RAD18: variants seen among roughly 807,000 people sequenced by gnomAD.
RAD18 encodes E3 ubiquitin-protein ligase RAD18.
In RAD18, 47 loss-of-function variants were observed where a neutral mutation model predicts 60.4. The ratio of observed to expected loss-of-function variants is 0.78; its 90% CI spans 0.62 to 0.99. The LOEUF (loss-of-function observed/expected upper bound fraction) is 0.99. Among genes scored for constraint, RAD18 ranks in the 50% least tolerant of loss-of-function variants. The pLI is 0.00. For synonymous variants in RAD18, 225 were observed against 195.5 expected, an observed-to-expected ratio of 1.15 and a Z score of -1.26; for missense variants, 640 against 593.3, an observed-to-expected ratio of 1.08 and a Z score of -0.82.
chr3:8,888,796 T>C (rs574458293), intron 12 of RAD18, among the ~76,000 whole-genome samples: 4 of 152,256 alleles, frequency 2.6e-5, no homozygotes, highest in Non-Finnish European at 5.9e-5. Context: ...TGAGCTCTTG[T>C]ATCTTTCTCG....
At chr3:8,958,559 A>G (rs1477647558) in intron 2 of RAD18, among the ~76,000 whole-genome samples, 2 of 152,230 alleles carry the variant, frequency 1.3e-5, no homozygotes, top group Non-Finnish European at 2.9e-5. Flanking sequence ...TTGAAATTCT[A>G]TATCAAGTAC....
chr3:8,946,768 A>G (rs1940846225), intron 4 of RAD18, among the ~76,000 whole-genome samples: 1 of 152,262 alleles, frequency 6.6e-6, no homozygotes, highest in African/African-American at 2.4e-5. Flanking sequence ...TACATGAGTT[A>G]GTACATACAT....
intron 2 of RAD18, among the ~76,000 whole-genome samples, chr3:8,949,577 A>T (rs1940896038): frequency 6.6e-6 from 1 of 152,234 alleles, no homozygotes; most frequent in Admixed American, 6.5e-5. Context: ...CCTAACAAGT[A>T]AAAAGCTGAA....
chr3:8,958,697 A>T (rs1175376126), intron 2 of RAD18, among the ~76,000 whole-genome samples: 3 of 152,272 alleles, frequency 2.0e-5, no homozygotes, highest in African/African-American at 7.2e-5. Flanking sequence ...AAATGCTATA[A>T]GAATCATAAA....
At chr3:8,891,190 A>G (rs17049703) in intron 11 of RAD18, among the ~76,000 whole-genome samples, 8,581 of 151,870 alleles carry the variant, frequency 0.057, 776 homozygotes, top group African/African-American at 0.19. Flanking sequence ...TACTGCTCCT[A>G]CTGAAAACCC....
intron 12 of RAD18, among the ~76,000 whole-genome samples, chr3:8,888,233 T>C (rs45492099): frequency 1.9e-3 from 283 of 152,320 alleles, no homozygotes; most frequent in Admixed American, 5.1e-3. Context: ...GTGAGTATAA[T>C]GAAACAAGTT....
At chr3:8,940,850 G>T (rs1011085008) in intron 5 of RAD18, among the ~76,000 whole-genome samples, 3 of 152,194 alleles carry the variant, frequency 2.0e-5, no homozygotes, top group African/African-American at 7.2e-5. Flanking sequence ...CGGATCCTAT[G>T]GCCTCTGTCA....
At chr3:8,922,302 G>C (rs879435082) in intron 7 of RAD18, among the ~76,000 whole-genome samples, 1 of 152,238 alleles carries the variant, frequency 6.6e-6, no homozygotes, top group Non-Finnish European at 1.5e-5. Flanking sequence ...CCCGTGCCTG[G>C]CTCGGAGGGT....
rs189039442 is a variant in RAD18 at position 8,955,686 on chromosome 3, T to A, written c.133+3234A>T. ...CAACTCTGGAGAACCTGCAATACCA[T>A]GGACAGACACATGAGAGAGAAAAAC... On this transcript the variant is annotated intron_variant, in intron 2 of 12. Transcript: ENST00000264926. Among the ~76,000 whole-genome samples, 3 of 152,130 alleles carry A rather than the reference T, an allele frequency of 2.0e-5. No individual in the cohort carries two copies. In the East Asian group the frequency reaches 5.8e-4, roughly 29 times the overall value.
intron 12 of RAD18, among the ~76,000 whole-genome samples, chr3:8,886,542 G>A (rs1413819696): frequency 6.6e-6 from 1 of 152,200 alleles, no homozygotes; most frequent in East Asian, 1.9e-4. Flanking sequence ...CTGACTGACT[G>A]ACAGACAGAC....
chr3:8,938,108 C>T (rs1345833688), intron 6 of RAD18, among the ~76,000 whole-genome samples: 1 of 152,134 alleles, frequency 6.6e-6, no homozygotes, highest in Non-Finnish European at 1.5e-5. Flanking sequence ...ATCAAACTCT[C>T]GTGGCTTATG....
chr3:8,945,729 G>A (rs1034504679), intron 4 of RAD18, among the ~76,000 whole-genome samples: 4 of 151,550 alleles, frequency 2.6e-5, no homozygotes, highest in Non-Finnish European at 5.9e-5. Context: ...CTCGGCCTCC[G>A]AAAGTGCTGG....
At chr3:8,919,785 A>G (rs73021737) in intron 7 of RAD18, among the ~76,000 whole-genome samples, 15 of 152,372 alleles carry the variant, frequency 9.8e-5, no homozygotes, top group Non-Finnish European at 1.8e-4. Context: ...GGGGCATGGA[A>G]GAGCAAGAAA....
At chr3:8,892,109 T>TA (rs1939700848) in intron 11 of RAD18, among the ~76,000 whole-genome samples, 1 of 152,192 alleles carries the variant, frequency 6.6e-6, no homozygotes, top group Non-Finnish European at 1.5e-5. Context: ...TCAAGACATT[T>TA]AAAAAATCTT....
chr3:8,940,105 A>G (rs35345727), intron 5 of RAD18, among the ~76,000 whole-genome samples: 3,521 of 152,314 alleles, frequency 0.023, 57 homozygotes, highest in Non-Finnish European at 0.032. Context: ...ATTGAGTTCA[A>G]TTTTGTCAAT....
At chr3:8,902,686 C>T (rs1369473017) in intron 9 of RAD18, among the ~76,000 whole-genome samples, 166 bp from the exon 10 acceptor site, 2 of 152,072 alleles carry the variant, frequency 1.3e-5, no homozygotes, top group African/African-American at 2.4e-5. Context: ...GTCAGGAGTT[C>T]GAAACCAGCG....
chr3:8,880,574 T>C lies in RAD18; in HGVS notation c.*783A>G, dbSNP rs1479387938. ...AACATTATTGTAAACTGATACTCTC[T>C]ATTCATTTACAAAATTCATTCATTG... is the stretch of plus-strand genomic sequence containing the variant. On this transcript the variant is annotated 3_prime_UTR_variant, in exon 13 of 13. Coordinates refer to ENST00000264926, the MANE Select transcript of RAD18 (RefSeq NM_020165.4). The C allele has an allele frequency of 6.6e-6, 1 of 152,234 alleles. No individual in the cohort carries two copies. The allele number at this position is 152,234 out of a possible 1,614,324, so 9.4% of individuals were successfully genotyped here. A position where few individuals can be genotyped will look rare whatever the true frequency, so the allele number is the denominator to read the frequency against.
At chr3:8,885,832 A>C (rs1015443057) in intron 12 of RAD18, among the ~76,000 whole-genome samples, 1 of 152,240 alleles carries the variant, frequency 6.6e-6, no homozygotes, top group African/African-American at 2.4e-5. Flanking sequence ...ACATTTAAAT[A>C]TATTACAGTT....
chr3:8,917,539 A>G (rs1940226924), intron 7 of RAD18, among the ~76,000 whole-genome samples: 1 of 152,204 alleles, frequency 6.6e-6, no homozygotes, highest in Non-Finnish European at 1.5e-5. Flanking sequence ...GTATGCTGTT[A>G]AAAGTTTCTT....
Sources: gnomAD v4.1 joint callset for allele counts (sites outside exome capture counted in the v4.1 genomes callset) on GRCh38, gnomAD v4.1.1 for gene constraint, MANE v1.5 for transcripts, NCBI Gene and HGNC (gene_info 2026-07-23, HGNC 2026-07-21) for gene names.